Variants in CSMD1 observed in about 807,000 individuals in gnomAD.
CSMD1 encodes CUB and sushi domain-containing protein 1.
A neutral mutation model predicts 417.5 loss-of-function variants in CSMD1; 213 were observed. That is an observed-to-expected ratio of 0.51 (90% CI 0.46 to 0.57). CSMD1 has a LOEUF of 0.57. Among genes scored for constraint, CSMD1 ranks in the 20% least tolerant of loss-of-function variants. The pLI is 0.00. For missense variants in CSMD1, 6,923 were observed against 4,529.7 expected (o/e 1.53, Z -15.17); for synonymous variants, 2,862 against 1,736.8 (o/e 1.65, Z -16.11).
chr8:4,094,698 G>A (rs910124527), intron 3 of CSMD1, among the ~76,000 whole-genome samples: 1 of 152,106 alleles, frequency 6.6e-6, no homozygotes, highest in African/African-American at 2.4e-5. Flanking sequence ...GGAAACGCCG[G>A]CTTCTAGAGA....
At chr8:4,695,422 C>T (rs920220742) in intron 1 of CSMD1, among the ~76,000 whole-genome samples, 5 of 152,168 alleles carry the variant, frequency 3.3e-5, no homozygotes, top group African/African-American at 4.8e-5. Context: ...TAATTAGTCG[C>T]GGATGACCAG....
At chr8:3,415,928 TATG>T (rs1046703737) in intron 12 of CSMD1, among the ~76,000 whole-genome samples, 8 of 152,106 alleles carry the variant, frequency 5.3e-5, no homozygotes, top group Admixed American at 6.6e-5. Flanking sequence ...TTGAGTTGCA[TATG>T]ATATTTAATT....
intron 40 of CSMD1, among the ~76,000 whole-genome samples, chr8:3,150,579 T>C (rs1289781281): frequency 6.6e-6 from 1 of 152,102 alleles, no homozygotes; most frequent in East Asian, 1.9e-4. Context: ...TATGGTTGTA[T>C]TCATTCATTC....
At chr8:3,545,911 C>A (rs568776504) in intron 10 of CSMD1, among the ~76,000 whole-genome samples, 2 of 152,262 alleles carry the variant, frequency 1.3e-5, no homozygotes, top group East Asian at 3.9e-4. Flanking sequence ...ATAGTGAATG[C>A]ATAGTGGGGA....
chr8:4,489,736 A>G (rs1475985962), intron 2 of CSMD1, among the ~76,000 whole-genome samples: 2 of 152,186 alleles, frequency 1.3e-5, no homozygotes, highest in Non-Finnish European at 2.9e-5. Flanking sequence ...CTGGCAGGGA[A>G]GAAGCAGCTG....
chr8:3,998,323 G>A (rs1815386277), intron 4 of CSMD1, among the ~76,000 whole-genome samples: 1 of 152,136 alleles, frequency 6.6e-6, no homozygotes, highest in African/African-American at 2.4e-5. Flanking sequence ...TAATTGAATG[G>A]CCATTGCGGG....
chr8:4,827,895 G>A (rs1302543937), intron 1 of CSMD1, among the ~76,000 whole-genome samples: 1 of 152,092 alleles, frequency 6.6e-6, no homozygotes, highest in East Asian at 1.9e-4. Context: ...TCAAGCAACT[G>A]CTTGAAATAC....
chr8:4,139,067 A>G (rs560217931), intron 3 of CSMD1, among the ~76,000 whole-genome samples: 19 of 152,298 alleles, frequency 1.2e-4, no homozygotes, highest in African/African-American at 4.6e-4. Flanking sequence ...CACCAAAAAC[A>G]GAGCAACAAT....
At chr8:4,057,892 T>C (rs1462924742) in intron 3 of CSMD1, among the ~76,000 whole-genome samples, 1 of 152,164 alleles carries the variant, frequency 6.6e-6, no homozygotes, top group African/African-American at 2.4e-5. Context: ...CATTGATCTA[T>C]ATCTCTGTTT....
At chr8:3,460,035 C>A (rs1014959932) in intron 12 of CSMD1, among the ~76,000 whole-genome samples, 59 of 152,306 alleles carry the variant, frequency 3.9e-4, no homozygotes, top group African/African-American at 1.4e-3. Flanking sequence ...CACAGCTGCA[C>A]AGGTGTGGGG....
At chr8:4,638,537 C>T (rs981310026) in intron 1 of CSMD1, among the ~76,000 whole-genome samples, 14 of 152,154 alleles carry the variant, frequency 9.2e-5, no homozygotes, top group Admixed American at 7.9e-4. Context: ...GATGTCTACC[C>T]GTTCACACAG....
chr8:3,437,175 A>G (rs1272041711), intron 12 of CSMD1, among the ~76,000 whole-genome samples: 2 of 152,162 alleles, frequency 1.3e-5, no homozygotes, highest in Non-Finnish European at 2.9e-5. Flanking sequence ...ATTTATCATA[A>G]TACTGTTCAA....
chr8:4,395,542 C>G (rs1359715652), intron 3 of CSMD1, among the ~76,000 whole-genome samples: 1 of 151,144 alleles, frequency 6.6e-6, no homozygotes, highest in Admixed American at 6.6e-5. Context: ...TTTTTTTTGC[C>G]TGTCGTGGAG....
intron 12 of CSMD1, among the ~76,000 whole-genome samples, chr8:3,436,517 GTAATGTT>G (rs754560778): frequency 3.9e-5 from 6 of 152,136 alleles, no homozygotes; most frequent in Non-Finnish European, 5.9e-5. Context: ...TAAATTAAGT[GTAATGTT>G]TAGTGGCTTT....
intron 1 of CSMD1, among the ~76,000 whole-genome samples, chr8:4,858,657 C>T (rs1801948985): frequency 6.6e-6 from 1 of 151,710 alleles, no homozygotes; most frequent in Non-Finnish European, 1.5e-5. Flanking sequence ...AGTGAACTCC[C>T]ATTCACAATT....
chr8:3,999,511 C>T (rs953225342), intron 4 of CSMD1, among the ~76,000 whole-genome samples: 1 of 152,156 alleles, frequency 6.6e-6, no homozygotes, highest in Non-Finnish European at 1.5e-5. Context: ...CCAATCTTGT[C>T]GGCAACAGTA....
chr8:4,679,432 G>A (rs918269098), intron 1 of CSMD1, among the ~76,000 whole-genome samples: 14 of 152,102 alleles, frequency 9.2e-5, no homozygotes, highest in Admixed American at 2.0e-4. Context: ...TAGTAATTCC[G>A]CCCTGTTTAT....
intron 3 of CSMD1, among the ~76,000 whole-genome samples, chr8:4,077,769 G>A (rs188069831): frequency 6.6e-6 from 1 of 152,224 alleles, no homozygotes; most frequent in Non-Finnish European, 1.5e-5. Context: ...CCTATGATAA[G>A]CATTTTTCAG....
chr8:4,933,884 A>T (rs1807422184), intron 1 of CSMD1, among the ~76,000 whole-genome samples: 1 of 152,208 alleles, frequency 6.6e-6, no homozygotes, highest in Non-Finnish European at 1.5e-5. Context: ...GAGAAGCATC[A>T]TTTCAAGTAG....
Sources: allele counts gnomAD v4.1 joint callset (sites outside exome capture counted in the v4.1 genomes callset), GRCh38; gene constraint gnomAD v4.1.1; transcripts MANE v1.5; gene names NCBI Gene and HGNC (gene_info 2026-07-23, HGNC 2026-07-21).